Variants in TRPM2 observed in about 807,000 individuals in gnomAD.
TRPM2 encodes transient receptor potential cation channel subfamily M member 2.
In TRPM2, 161 loss-of-function variants were observed where a neutral mutation model predicts 174.0. That is an observed-to-expected ratio of 0.93 (90% CI 0.81 to 1.05). TRPM2 has a LOEUF of 1.05. TRPM2 is among the 50% of genes least tolerant of loss of function. The probability of loss-of-function intolerance (pLI) is 0.00; values close to 1 mark genes in which losing one functional copy is unlikely to be tolerated. For synonymous variants in TRPM2, 954 were observed against 861.3 expected, an observed-to-expected ratio of 1.11 and a Z score of -1.88; for missense variants, 2,057 against 2,038.0, an observed-to-expected ratio of 1.01 and a Z score of -0.18.
In TRPM2 at chr21:44,426,577, T is replaced by C. The variant is rs1034979019; in HGVS notation, c.3796-83T>C. 11 of 1,436,190 alleles carry C rather than the reference T, an allele frequency of 7.7e-6. No homozygotes were observed. The African/African-American group carries it at 1.5e-4, about 20-fold the overall frequency. 89.0% of individuals were successfully genotyped at this position (1,436,190 alleles called of 1,614,324 possible). A position where few individuals can be genotyped will look rare whatever the true frequency, so the allele number is the denominator to read the frequency against. ...TGTTGGGGTCGGGTTCAGACCCAGC[T>C]GAGCAGCCCTTTCACCCTGGTGCCT... On this transcript the variant is annotated intron_variant, in intron 25 of 31. Transcript: ENST00000397928.
rs970242806 is a variant in TRPM2 at position 44,436,925 on chromosome 21, A to G, written c.4062-137A>G. Reference sequence around the variant, plus strand: ...CTCAGTCTTTTCCCTGGGGATGAAGAACTTGAAAAAGAACACGGTTTGAGC... The same window carrying G: ...CTCAGTCTTTTCCCTGGGGATGAAGGACTTGAAAAAGAACACGGTTTGAGC... On this transcript the variant is annotated intron_variant, in intron 28 of 31. Coordinates refer to ENST00000397928, the MANE Select transcript of TRPM2 (RefSeq NM_003307.4). The G allele has an allele frequency of 2.3e-4, 157 of 669,146 alleles. 2 individuals are homozygous for G. Among genetic ancestry groups the G allele is most frequent in the African/African-American group, 2.0e-3 (108 of 55,016 alleles). The allele number at this position is 669,146 out of a possible 1,614,324, so 41.5% of individuals were successfully genotyped here.
rs1047561589 is a variant in TRPM2, at chr21:44,376,685, C to A, written c.952+672C>A. ...TTTGAGGACGTCGGGAGGTCAAGTGCGGGGTTTTGCATATCACTTGAGGAG... is the reference window on the plus strand; with the variant it reads ...TTTGAGGACGTCGGGAGGTCAAGTGAGGGGTTTTGCATATCACTTGAGGAG... On this transcript the variant is annotated intron_variant, in intron 6 of 31. Coordinates refer to ENST00000397928, the MANE Select transcript of TRPM2 (RefSeq NM_003307.4). The surrounding 1 kb of genome is among the most constrained non-coding windows in gnomAD (Gnocchi z 4.2). 8.5e-5 allele frequency among the ~76,000 whole-genome samples: 13 copies of A among 152,254 alleles called. No homozygotes were observed.
In TRPM2 at chr21:44,366,282, GAGGGGACAGGA is replaced by G. The variant is rs2048359631; in HGVS notation, c.424-471_424-461del. 6.7e-6 allele frequency among the ~76,000 whole-genome samples: 1 copy of G among 150,320 alleles called. No homozygotes were observed. The highest frequency in any genetic ancestry group is 2.5e-5 in the African/African-American group (1 of 40,514). On this transcript the variant is annotated intron_variant, in intron 3 of 31. Transcript: ENST00000397928. This position sits in a 1 kb window ranked among gnomAD's most constrained non-coding sequence, Gnocchi z 6.0. ...AGAGGGGACAGGAGAGGGGACAGGAGAGGGGACAGGAGAGGGGACAGGAGAGGGGACAGGAG... is the reference window on the plus strand; with the variant it reads ...AGAGGGGACAGGAGAGGGGACAGGAGGAGGGGACAGGAGAGGGGACAGGAG...
intron 2 of TRPM2, among the ~76,000 whole-genome samples, chr21:44,358,815 T>C (rs2048128146): frequency 6.6e-6 from 1 of 152,110 alleles, no homozygotes; most frequent in South Asian, 2.1e-4. Context: ...GGGGTCTTGG[T>C]CTCGCTGACT....
chr21:44,364,501 G>T (rs2048303507), intron 3 of TRPM2, among the ~76,000 whole-genome samples: 1 of 152,192 alleles, frequency 6.6e-6, no homozygotes, highest in Non-Finnish European at 1.5e-5. Context: ...TGCAAAGCAG[G>T]GTGGGGCACA....
At chr21:44,416,323 C>G (rs1337975283) in intron 20 of TRPM2, 1 of 152,228 alleles carries the variant, frequency 6.6e-6, no homozygotes, top group Non-Finnish European at 1.5e-5. Context: ...TTGAGAGAAC[C>G]CGAGCATGGG....
At chr21:44,436,015 CTCCAT>C (rs2051250617) in intron 28 of TRPM2, among the ~76,000 whole-genome samples, 1 of 151,050 alleles carries the variant, frequency 6.6e-6, no homozygotes, top group Admixed American at 6.6e-5. Flanking sequence ...CTCAGACCCT[CTCCAT>C]ACTCATCCAG....
chr21:44,359,216 C>A lies in TRPM2; in HGVS notation c.254+4480C>A, dbSNP rs572353761. Among the ~76,000 whole-genome samples, 30 of 152,114 alleles carry A rather than the reference C, an allele frequency of 2.0e-4. 2 individuals are homozygous for A. The highest frequency in any genetic ancestry group is 2.4e-4 in the Non-Finnish European group (16 of 67,952). On this transcript the variant is annotated intron_variant, in intron 2 of 31. Coordinates refer to ENST00000397928, the MANE Select transcript of TRPM2 (RefSeq NM_003307.4). ...ACAGTGTGCGGATTGGTCCATTTTA[C>A]AGAGCACCAATTGGTCCATTTTATG...
chr21:44,422,329 T>C, intron 22 of TRPM2: 1 of 1,536,028 alleles, frequency 6.5e-7, no homozygotes, highest in South Asian at 1.2e-5. Context: ...AGACAGTTCC[T>C]GCATCTCACG....
intron 1 of TRPM2, 109 bp downstream of exon 1, chr21:44,353,974 C>T (rs2047985439): frequency 7.4e-7 from 1 of 1,348,658 alleles, no homozygotes; most frequent in Non-Finnish European, 9.9e-7. Context: ...GGTCTGCTGA[C>T]CTTGGGGGCT....
intron 9 of TRPM2, among the ~76,000 whole-genome samples, chr21:44,386,401 G>A (rs967479283): frequency 1.6e-4 from 25 of 151,836 alleles, no homozygotes; most frequent in South Asian, 8.3e-4. Context: ...GCAAGACTCC[G>A]TTCCCCCACC....
At chr21:44,426,905 G>T in intron 26 of TRPM2, 105 bp from the exon 27 acceptor site, 1 of 1,349,374 alleles carries the variant, frequency 7.4e-7, no homozygotes, top group South Asian at 1.3e-5. Context: ...CACCCAGCCT[G>T]CAGCTACTCG....
chr21:44,400,972 G>A (rs925418351), intron 15 of TRPM2, among the ~76,000 whole-genome samples: 6 of 152,172 alleles, frequency 3.9e-5, no homozygotes, highest in African/African-American at 1.4e-4. Context: ...AGACCCCAGC[G>A]AGGTGGCTGA....
At chr21:44,368,817 G>C (rs2048436248) in intron 4 of TRPM2, among the ~76,000 whole-genome samples, 1 of 152,188 alleles carries the variant, frequency 6.6e-6, no homozygotes, top group South Asian at 2.1e-4. Flanking sequence ...CTAGGGACCA[G>C]GCTGAGTGTT....
At chr21:44,411,059 C>T (rs1035224443) in intron 19 of TRPM2, among the ~76,000 whole-genome samples, 8 of 151,778 alleles carry the variant, frequency 5.3e-5, no homozygotes, top group East Asian at 3.9e-4. Context: ...AAGTTTTGAC[C>T]GTGCTGTCTT....
intron 19 of TRPM2, among the ~76,000 whole-genome samples, chr21:44,411,512 G>A (rs2050105635): frequency 6.6e-6 from 1 of 152,036 alleles, no homozygotes; most frequent in East Asian, 1.9e-4. Flanking sequence ...TCATATACGA[G>A]ACCATGTCAT....
intron 8 of TRPM2, among the ~76,000 whole-genome samples, chr21:44,381,430 G>A (rs1052036439): frequency 4.0e-5 from 6 of 148,386 alleles, no homozygotes; most frequent in African/African-American, 1.5e-4. Flanking sequence ...TAGATGGATG[G>A]ATGATGGGTG....
At chr21:44,397,925 C>T (rs569924867) in intron 13 of TRPM2, 49 bp downstream of exon 13, 25 of 1,520,944 alleles carry the variant, frequency 1.6e-5, no homozygotes, top group Non-Finnish European at 2.2e-5. Flanking sequence ...GCCGTGCATG[C>T]CCTCACCTGG....
rs1185404193 is a variant in TRPM2 at position 44,397,868 on chromosome 21, G to C, written c.2054G>C (p.Arg685Thr). Residue 685 changes from arginine to threonine, a missense_variant, in exon 13 of 32, where the codon AGA becomes ACA. Arg to Thr is a moderately conservative substitution (Grantham distance 71). Coordinates refer to ENST00000397928, the MANE Select transcript of TRPM2 (RefSeq NM_003307.4). Reference protein sequence around the residue: ...MLALAEEYEHRAIGVFTECYR... With the variant: ...MLALAEEYEHTAIGVFTECYR... ...GCGCTGGCGGAGGAGTATGAGCACAGAGCCATCGGTGAGCTCTGCCGGGCA... is the reference window on the plus strand; with the variant it reads ...GCGCTGGCGGAGGAGTATGAGCACACAGCCATCGGTGAGCTCTGCCGGGCA... The C allele has an allele frequency of 1.2e-6, 2 of 1,602,782 alleles. No homozygotes were observed. The highest frequency in any genetic ancestry group is 1.7e-6 in the Non-Finnish European group (2 of 1,174,860).
Sources: gnomAD v4.1 joint callset for allele counts (sites outside exome capture counted in the v4.1 genomes callset) on GRCh38, gnomAD v4.1.1 for gene constraint, Gnocchi (gnomAD v3.1) non-coding constraint, MANE v1.5 for transcripts, NCBI Gene and HGNC (gene_info 2026-07-23, HGNC 2026-07-21) for gene names.